The following PDLIM7 variants were observed in gnomAD, a reference collection of about 807,000 sequenced individuals.
PDLIM7 encodes PDZ and LIM domain protein 7.
PDLIM7 carries 37 observed loss-of-function variants against 53.9 expected under a neutral mutation model. The observed-to-expected ratio is 0.69, with a 90% CI of 0.53 to 0.90. The LOEUF (loss-of-function observed/expected upper bound fraction) is 0.90, where lower values mean the gene tolerates loss of function less well. PDLIM7 is among the 40% of genes least tolerant of loss of function. The pLI is 0.00. For synonymous variants in PDLIM7, 300 were observed against 261.3 expected (o/e 1.15, Z -1.43); for missense variants, 617 against 638.5 (o/e 0.97, Z 0.36).
chr5:177,489,819 T>C lies in PDLIM7; in HGVS notation c.586A>G (p.Thr196Ala). ...HLKKSSQVPRTEAPAPASSTP... is the reference protein window; with the variant it reads ...HLKKSSQVPRAEAPAPASSTP... The stretch of plus-strand genomic sequence containing the variant: ...GATGAGGCTGGGGCTGGGGCTTCTG[T>C]CCTGGGCACCTGGCTGCAAGATCTG... The change falls in exon 8 of 13, where the codon ACA (threonine) becomes GCA (alanine). Residue 196 changes from threonine (T) to alanine (A), a missense_variant. Thr to Ala is a moderately conservative substitution (Grantham distance 58). Coordinates refer to ENST00000355841, the MANE Select transcript of PDLIM7 (RefSeq NM_005451.5). The C allele has an allele frequency of 6.3e-7, 1 of 1,583,140 alleles. No homozygotes were observed.
chr5:177,488,709 G>A (rs1758584087), intron 9 of PDLIM7, among the ~76,000 whole-genome samples: 1 of 152,178 alleles, frequency 6.6e-6, no homozygotes, highest in Admixed American at 6.5e-5. Flanking sequence ...TGGCCAACAT[G>A]GTAAAACCCC....
intron 9 of PDLIM7, among the ~76,000 whole-genome samples, chr5:177,488,511 G>A (rs1758575782): frequency 6.6e-6 from 1 of 152,242 alleles, no homozygotes; most frequent in Non-Finnish European, 1.5e-5. Context: ...GCTGACGACT[G>A]GAGCCTCATA....
At chr5:177,491,574 C>T (rs1303713649) in intron 5 of PDLIM7, among the ~76,000 whole-genome samples, 1 of 152,086 alleles carries the variant, frequency 6.6e-6, no homozygotes, top group Non-Finnish European at 1.5e-5. Flanking sequence ...AACCCCCAGC[C>T]GCCAGCAGGG....
At chr5:177,490,746 GA>G in intron 7 of PDLIM7, 123 bp downstream of exon 7, 2 of 938,128 alleles carry the variant, frequency 2.1e-6, no homozygotes, top group African/African-American at 1.6e-5. Flanking sequence ...AGGAAGGAAG[GA>G]AGGAAGGAAG....
intron 7 of PDLIM7, chr5:177,490,404 G>C: frequency 1.3e-6 from 2 of 1,494,696 alleles, no homozygotes; most frequent in Non-Finnish European, 1.8e-6. Flanking sequence ...GGGGGGGTGA[G>C]GTAGGCAGAA....
In PDLIM7 at chr5:177,483,679, G is replaced by C; in HGVS notation, c.1339C>G (p.Pro447Ala). 2 of 1,613,234 alleles carry C rather than the reference G, an allele frequency of 1.2e-6. No homozygotes were observed. Among genetic ancestry groups the C allele is most frequent in the South Asian group, 2.2e-5 (2 of 91,068 alleles). The change falls in exon 13 of 13, where the codon CCT becomes GCT. Residue 447 changes from proline to alanine, a missense_variant. By Grantham distance (27) the Pro-to-Ala change is conservative. Transcript: ENST00000355841. The part of the protein sequence containing the change: ...GKTFYSKKDR[P>A]LCKSHAFSHV Reference sequence around the variant, plus strand: ...GAGAAGGCATGGCTCTTGCAGAGAGGCCTGTCCTTCTTGGAGTAGAAGGTC... The same window carrying C: ...GAGAAGGCATGGCTCTTGCAGAGAGCCCTGTCCTTCTTGGAGTAGAAGGTC...
intron 4 of PDLIM7, 160 bp downstream of exon 4, chr5:177,492,245 C>T (rs946339058): frequency 1.2e-6 from 1 of 855,698 alleles, no homozygotes; most frequent in Non-Finnish European, 1.8e-6. Context: ...TGCAGCAGCC[C>T]CTGGCTCAAC....
chr5:177,488,224 G>A lies in PDLIM7; in HGVS notation c.894C>T (p.Gly298=), dbSNP rs1193757130. Residue 298 remains glycine, a synonymous_variant, in exon 10 of 13, where the codon GGC becomes GGT. Transcript: ENST00000355841. The part of the protein sequence containing the change: ...VIRGRYLVAL[G]HAYHPEEFVC... ...CAAACTCCTCCGGGTGGTACGCGTG[G>A]CCCAGCGCCACCAGGTAGCGGCCCC... is the stretch of plus-strand genomic sequence containing the variant. 1.9e-6 allele frequency: 3 copies of A among 1,607,934 alleles called. No individual in the cohort carries two copies. Among genetic ancestry groups the A allele is most frequent in the Admixed American group, 3.4e-5 (2 of 59,362 alleles).
chr5:177,484,055 C>T lies in PDLIM7; in HGVS notation c.1171+15G>A, dbSNP rs923828607. ...CATGCACCATCCCTCCTCACCCTCA[C>T]TGGCCAGTGGGTACCTCGCTCGCAA... On this transcript the variant is annotated intron_variant, in intron 11 of 12. Coordinates refer to ENST00000355841, the MANE Select transcript of PDLIM7 (RefSeq NM_005451.5). 4 of 1,613,734 alleles carry T rather than the reference C, an allele frequency of 2.5e-6. No homozygotes were observed. The highest frequency in any genetic ancestry group is 1.6e-4 in the Middle Eastern group (1 of 6,082).
At chr5:177,496,566 G>GGGCA (rs1213785803) in intron 1 of PDLIM7, 43 bp from the exon 2 acceptor site, 10 of 1,400,402 alleles carry the variant, frequency 7.1e-6, no homozygotes, top group Non-Finnish European at 8.7e-6. Context: ...CATGGTGGGC[G>GGGCA]GGCAGGCAGG....
chr5:177,496,384 C>G (rs1306410809), intron 2 of PDLIM7, 33 bp downstream of exon 2: 5 of 1,491,410 alleles, frequency 3.4e-6, no homozygotes, highest in Middle Eastern at 1.8e-4. Flanking sequence ...CGAAAGACCG[C>G]TGGGGGAGCC....
chr5:177,492,462 G>A (rs753679764), intron 3 of PDLIM7, 27 bp from the exon 4 acceptor site: 16 of 1,613,524 alleles, frequency 9.9e-6, no homozygotes, highest in East Asian at 8.9e-5. Flanking sequence ...GCGTGACAGC[G>A]GGCCGGGCCC....
intron 7 of PDLIM7, 142 bp downstream of exon 7, chr5:177,490,725 GGAA>G: frequency 1.6e-6 from 1 of 615,058 alleles, no homozygotes; most frequent in Non-Finnish European, 2.9e-6. Flanking sequence ...AAGGAAGGAA[GGAA>G]GGAAGGAAGG....
intron 5 of PDLIM7, 111 bp downstream of exon 5, chr5:177,491,696 G>A (rs1758793303): frequency 2.9e-6 from 2 of 688,986 alleles, no homozygotes; most frequent in Non-Finnish European, 4.5e-6. Context: ...GGGCGCTGCC[G>A]CACGGTTCCG....
intron 5 of PDLIM7, 23 bp downstream of exon 5, chr5:177,491,784 C>T (rs1758802004): frequency 3.5e-6 from 4 of 1,136,408 alleles, no homozygotes; most frequent in South Asian, 3.2e-5. Flanking sequence ...GGCGTGGGCG[C>T]GGGCGGGCAG....
In PDLIM7 at chr5:177,489,550, T is replaced by G; in HGVS notation, c.712A>C (p.Lys238Gln). The G allele has an allele frequency of 6.2e-7, 1 of 1,610,900 alleles. No homozygotes were observed. Among genetic ancestry groups the G allele is most frequent in the Non-Finnish European group, 8.5e-7 (1 of 1,179,246 alleles). Residue 238 changes from lysine to glutamine, a missense_variant, in exon 9 of 13, where the codon AAA becomes CAA. Physicochemically the swap from Lys to Gln is moderately conservative, Grantham distance 53. Coordinates refer to ENST00000355841, the MANE Select transcript of PDLIM7 (RefSeq NM_005451.5). ...PAFAERYAPD[K>Q]TSTVLTRHSQ... ...TGCCGGGTCAGCACTGTGCTCGTTT[T>G]GTCCGGGGCATAGCGCTCGGCAAAC...
At chr5:177,490,217 C>A in intron 7 of PDLIM7, 1 of 1,447,482 alleles carries the variant, frequency 6.9e-7, no homozygotes, top group Non-Finnish European at 9.1e-7. Flanking sequence ...CAAACCAGGT[C>A]CACAAAGATA....
chr5:177,491,805 A>T lies in PDLIM7; in HGVS notation c.398+2T>A. 2 of 1,261,932 alleles carry T rather than the reference A, an allele frequency of 1.6e-6. No homozygotes were observed. Among genetic ancestry groups the T allele is most frequent in the Non-Finnish European group, 2.0e-6 (2 of 990,652 alleles). 78.2% of individuals were successfully genotyped at this position (1,261,932 alleles called of 1,614,324 possible). A position where few individuals can be genotyped will look rare whatever the true frequency, so the allele number is the denominator to read the frequency against. On this transcript the variant is annotated splice_donor_variant, in intron 5 of 12. Coordinates refer to ENST00000355841, the MANE Select transcript of PDLIM7 (RefSeq NM_005451.5). LOFTEE classifies it high-confidence loss of function. ...GGCGCGGGCGGGCAGGGGCCGACGT[A>T]CCCATTCTGCTGCGGGGCGCTGTCA...
At chr5:177,491,722 GCA>G (rs1758795295) in intron 5 of PDLIM7, 83 bp downstream of exon 5, 4 of 770,534 alleles carry the variant, frequency 5.2e-6, no homozygotes, top group East Asian at 3.3e-5. Flanking sequence ...CTGGGGCGCA[GCA>G]CAGACTGAGC....
Sources: allele counts gnomAD v4.1 joint callset (sites outside exome capture counted in the v4.1 genomes callset), GRCh38; gene constraint gnomAD v4.1.1; transcripts MANE v1.5; gene names NCBI Gene and HGNC (gene_info 2026-07-23, HGNC 2026-07-21).